CCSER1: variants seen among roughly 807,000 people sequenced by gnomAD.
CCSER1 encodes the protein coiled-coil serine rich protein 1.
CCSER1 carries 41 observed loss-of-function variants against 82.0 expected under a neutral mutation model. The ratio of observed to expected loss-of-function variants is 0.50; its 90% CI spans 0.39 to 0.65. The LOEUF (loss-of-function observed/expected upper bound fraction) is 0.65. Among genes scored for constraint, CCSER1 ranks in the 30% least tolerant of loss-of-function variants. The pLI is 0.00. For missense variants in CCSER1, 1,119 were observed against 1,064.2 expected (o/e 1.05, Z -0.72); for synonymous variants, 414 against 383.9 (o/e 1.08, Z -0.92).
chr4:90,320,485 C>G (rs1436101719), intron 3 of CCSER1, among the ~76,000 whole-genome samples: 2 of 152,088 alleles, frequency 1.3e-5, no homozygotes, highest in Non-Finnish European at 2.9e-5. Context: ...GGATTATCAG[C>G]CTTATAGAAT....
At chr4:90,273,805 C>T (rs150627246) in intron 1 of CCSER1, among the ~76,000 whole-genome samples, 1 of 152,146 alleles carries the variant, frequency 6.6e-6, no homozygotes, top group East Asian at 1.9e-4. Flanking sequence ...GTAAGAGTTC[C>T]AGGCACTTGA....
chr4:91,275,432 C>G (rs1742357521), intron 10 of CCSER1, among the ~76,000 whole-genome samples: 1 of 152,058 alleles, frequency 6.6e-6, no homozygotes. Flanking sequence ...TGATGTTGAG[C>G]ATTTTTTCAA....
chr4:91,517,358 G>C (rs557931753), intron 10 of CCSER1, among the ~76,000 whole-genome samples: 5 of 152,222 alleles, frequency 3.3e-5, no homozygotes, highest in Admixed American at 2.6e-4. Flanking sequence ...TTATTTTAAA[G>C]TATGTTCCTT....
chr4:90,750,272 G>T (rs1748379335), intron 7 of CCSER1, among the ~76,000 whole-genome samples: 1 of 152,060 alleles, frequency 6.6e-6, no homozygotes, highest in Admixed American at 6.6e-5. Context: ...AGTTTCTTTT[G>T]CTGTGCAGAA....
chr4:91,031,747 G>T (rs910621876), intron 9 of CCSER1, among the ~76,000 whole-genome samples: 13 of 151,906 alleles, frequency 8.6e-5, no homozygotes, highest in Non-Finnish European at 1.5e-4. Flanking sequence ...ATTCTGTAAG[G>T]ATTTACAATA....
At chr4:90,720,393 A>G (rs896987992) in intron 6 of CCSER1, among the ~76,000 whole-genome samples, 1 of 152,110 alleles carries the variant, frequency 6.6e-6, no homozygotes, top group African/African-American at 2.4e-5. Context: ...GAAGAAAAAC[A>G]TAAGACTTAT....
chr4:91,186,430 G>T (rs1734540395), intron 10 of CCSER1, among the ~76,000 whole-genome samples: 1 of 152,002 alleles, frequency 6.6e-6, no homozygotes, highest in Non-Finnish European at 1.5e-5. Flanking sequence ...GAGTACTTGG[G>T]TGTCCTCCAG....
At chr4:90,287,467 A>G (rs1730108923) in intron 1 of CCSER1, among the ~76,000 whole-genome samples, 1 of 151,720 alleles carries the variant, frequency 6.6e-6, no homozygotes, top group African/African-American at 2.4e-5. Context: ...GCAGGATACA[A>G]CATTGCATAG....
chr4:90,780,081 G>C (rs1468461385), intron 7 of CCSER1, among the ~76,000 whole-genome samples: 2 of 152,136 alleles, frequency 1.3e-5, no homozygotes, highest in African/African-American at 4.8e-5. Context: ...CCACTTATAA[G>C]TAGGTATCTT....
At chr4:90,737,391 TTC>T (rs2149429148) in intron 7 of CCSER1, among the ~76,000 whole-genome samples, 1 of 152,296 alleles carries the variant, frequency 6.6e-6, no homozygotes, top group African/African-American at 2.4e-5. Context: ...GGATAAACTA[TTC>T]TAGGATATAG....
chr4:91,439,194 T>C (rs1453199328), intron 10 of CCSER1, among the ~76,000 whole-genome samples: 1 of 151,588 alleles, frequency 6.6e-6, no homozygotes, highest in Non-Finnish European at 1.5e-5. Context: ...TTCACCAAAG[T>C]TGAAATGAAG....
chr4:91,508,743 CTAT>C (rs1759667278), intron 10 of CCSER1, among the ~76,000 whole-genome samples: 1 of 151,596 alleles, frequency 6.6e-6, no homozygotes, highest in South Asian at 2.1e-4. Flanking sequence ...GGAGTTTTTA[CTAT>C]TATTATTATT....
chr4:90,356,691 T>A (rs1744426428), intron 3 of CCSER1, among the ~76,000 whole-genome samples: 1 of 151,894 alleles, frequency 6.6e-6, no homozygotes, highest in Non-Finnish European at 1.5e-5. Flanking sequence ...TGCATTTTAA[T>A]ATTATTAAAT....
intron 1 of CCSER1, among the ~76,000 whole-genome samples, chr4:90,231,374 A>G (rs1391934628): frequency 1.3e-5 from 2 of 151,992 alleles, no homozygotes. Context: ...CAAAAACCAC[A>G]TGATTATCTC....
chr4:90,205,575 G>A (rs1304752665), intron 1 of CCSER1, among the ~76,000 whole-genome samples: 2 of 152,146 alleles, frequency 1.3e-5, no homozygotes, highest in African/African-American at 4.8e-5. Flanking sequence ...TAAGCTTTTT[G>A]ATGTCCTGCT....
intron 10 of CCSER1, among the ~76,000 whole-genome samples, chr4:91,170,209 C>T (rs536446444): frequency 8.5e-5 from 13 of 152,228 alleles, no homozygotes; most frequent in African/African-American, 2.9e-4. Flanking sequence ...AAAAAAATAC[C>T]TCTATTATGT....
At chr4:90,144,773 A>G (rs894953792) in intron 1 of CCSER1, among the ~76,000 whole-genome samples, 3 of 152,138 alleles carry the variant, frequency 2.0e-5, no homozygotes, top group African/African-American at 4.8e-5. Context: ...GCATTATGGG[A>G]AAATTTTTAT....
intron 10 of CCSER1, among the ~76,000 whole-genome samples, chr4:91,261,618 A>G (rs185467981): frequency 2.0e-4 from 30 of 152,256 alleles, no homozygotes; most frequent in Middle Eastern, 3.4e-3. Context: ...AACTTTTGTG[A>G]ATATTAAATG....
intron 3 of CCSER1, among the ~76,000 whole-genome samples, chr4:90,399,585 C>T (rs1002545711): frequency 5.3e-5 from 8 of 152,048 alleles, no homozygotes; most frequent in African/African-American, 1.9e-4. Flanking sequence ...ACTGGAGTTT[C>T]ATTTCACAGA....
Sources: allele counts gnomAD v4.1 joint callset (sites outside exome capture counted in the v4.1 genomes callset), GRCh38; gene constraint gnomAD v4.1.1; transcripts MANE v1.5; gene names NCBI Gene and HGNC (gene_info 2026-07-23, HGNC 2026-07-21).